CLEC4F: variants seen among roughly 807,000 people sequenced by gnomAD.
CLEC4F encodes the protein C-type lectin domain family 4 member F, also known as C-type (calcium dependent, carbohydrate-recognition domain) lectin, superfamily member 13.
A neutral mutation model predicts 53.4 loss-of-function variants in CLEC4F; 45 were observed. That is an observed-to-expected ratio of 0.84 (90% CI 0.66 to 1.08). CLEC4F has a LOEUF of 1.08. Ranked by LOEUF, CLEC4F falls within the 50% of genes least tolerant of loss-of-function variation. The probability of loss-of-function intolerance (pLI) is 0.00; values close to 1 mark genes in which losing one functional copy is unlikely to be tolerated. For missense variants in CLEC4F, 753 were observed against 698.2 expected (o/e 1.08, Z -0.88); for synonymous variants, 245 against 257.5 (o/e 0.95, Z 0.46).
At chr2:70,810,700 C>A in intron 5 of CLEC4F, 1 of 268,438 alleles carries the variant, frequency 3.7e-6, no homozygotes, top group Non-Finnish European at 7.5e-6. Flanking sequence ...AACAAAGAAG[C>A]TATAATATGG....
At chr2:70,811,472 C>T (rs1262970158) in intron 5 of CLEC4F, 4 of 544,504 alleles carry the variant, frequency 7.3e-6, no homozygotes, top group Admixed American at 2.2e-5. Context: ...CTGCCATGAC[C>T]ATAGTGCCAG....
At chr2:70,813,604 T>TTTCA (rs1574371111) in intron 4 of CLEC4F, among the ~76,000 whole-genome samples, 2 of 133,562 alleles carry the variant, frequency 1.5e-5, no homozygotes, top group South Asian at 4.7e-4. Context: ...TTTCTCTTTC[T>TTTCA]TTCTTTCTTT....
Position 70,809,274 on chromosome 2 carries a change from G to C in CLEC4F, c.1767C>G (p.Asn589Lys), listed in dbSNP as rs151073603. Residue 589 changes from asparagine to lysine, a missense_variant, in exon 7 of 7, where the codon AAC becomes AAG. Transcript: ENST00000272367. ...DTPPCPWILS[N>K] ...GGTGTCTGTGCTCAGGTTGCTCTTA[G>C]TTACTGAGGATCCAGGGACAGGGAG... 6.8e-6 allele frequency: 11 copies of C among 1,613,810 alleles called. No homozygotes were observed. In the African/African-American group the frequency reaches 1.2e-4, roughly 18 times the overall value.
chr2:70,824,634 A>AAC (rs1677304950), upstream of CLEC4F, among the ~76,000 whole-genome samples: 1 of 149,630 alleles, frequency 6.7e-6, no homozygotes, highest in Non-Finnish European at 1.5e-5. Flanking sequence ...AAAAAAAAAA[A>AAC]AAAAAAAAAA....
chr2:70,809,193 T>A lies in CLEC4F; in HGVS notation c.*78A>T. The stretch of plus-strand genomic sequence containing the variant: ...TAGGGAGCTGACTTGAGATGGGTCC[T>A]TCATCCCCTAGTGGCCCTAGGATGA... On this transcript the variant is annotated 3_prime_UTR_variant, in exon 7 of 7. Transcript: ENST00000272367. The A allele has an allele frequency of 6.4e-7, 1 of 1,571,098 alleles. No individual in the cohort carries two copies. The highest frequency in any genetic ancestry group is 1.3e-5 in the African/African-American group (1 of 74,370).
intron 3 of CLEC4F, among the ~76,000 whole-genome samples, chr2:70,818,720 AC>A (rs565430596): frequency 1.1e-3 from 160 of 151,996 alleles, no homozygotes; most frequent in African/African-American, 3.6e-3. Context: ...AAAAACAAAA[AC>A]AAAAACTAAA....
chr2:70,817,096 G>A lies in CLEC4F; in HGVS notation c.285C>T (p.Gly95=). 1 of 1,608,372 alleles carries A rather than the reference G, an allele frequency of 6.2e-7. No individual in the cohort carries two copies. Among genetic ancestry groups the A allele is most frequent in the Non-Finnish European group, 8.5e-7 (1 of 1,179,606 alleles). ...PFEPNNHHHF[G]REAEMRELIQ... is the part of the protein sequence containing the mutation. ...TAAGCTCTCGCATTTCTGCCTCCCT[G>A]CCAAAGTGGTGATGATCTGGAGGGA... Residue 95 remains glycine (G), a synonymous_variant, in exon 4 of 7, where the codon GGC becomes GGT. Transcript: ENST00000272367.
rs782010298 is a variant in CLEC4F, at chr2:70,816,681, C to T, written c.700G>A (p.Glu234Lys). The change falls in exon 4 of 7, where the codon GAA (glutamate) becomes AAA (lysine). Residue 234 changes from glutamate (E) to lysine (K), a missense_variant. Physicochemically the swap from Glu to Lys is moderately conservative, Grantham distance 56 (BLOSUM62 1). Coordinates refer to ENST00000272367, the MANE Select transcript of CLEC4F (RefSeq NM_173535.3). Reference sequence around the variant, plus strand: ...AACTGAGCCTGGGTATTTGCCGTTTCCAAACTGGCATTCAACATCTGAATT... The same window carrying T: ...AACTGAGCCTGGGTATTTGCCGTTTTCAAACTGGCATTCAACATCTGAATT... The part of the protein sequence containing the change: ...SEIQMLNASL[E>K]TANTQAQLAN... 1.2e-6 allele frequency: 2 copies of T among 1,614,176 alleles called. No homozygotes were observed. The highest frequency in any genetic ancestry group is 1.7e-6 in the Non-Finnish European group (2 of 1,180,028).
chr2:70,816,594 T>A lies in CLEC4F; in HGVS notation c.787A>T (p.Ser263Cys), dbSNP rs1162523244. 1 of 1,614,064 alleles carries A rather than the reference T, an allele frequency of 6.2e-7. No homozygotes were observed. Among genetic ancestry groups the A allele is most frequent in the Non-Finnish European group, 8.5e-7 (1 of 1,180,018 alleles). The change falls in exon 4 of 7, where the codon AGT (serine) becomes TGT (cysteine). Residue 263 changes from serine (S) to cysteine (C), a missense_variant. Ser to Cys is a moderately radical substitution (Grantham distance 112, BLOSUM62 -1). Transcript: ENST00000272367. ...TTCTGGGTCCTCAAGTCATTGACAC[T>A]ATCTAGATGGCCTCTCAAAACATAG... ...EIYVLRGHLDSVNDLRTQNQV... is the reference protein window; with the variant it reads ...EIYVLRGHLDCVNDLRTQNQV...
At chr2:70,811,415 C>T (rs1676554490) in intron 5 of CLEC4F, 3 of 657,388 alleles carry the variant, frequency 4.6e-6, no homozygotes, top group Non-Finnish European at 8.4e-6. Flanking sequence ...TATAGATATC[C>T]TGTGCCTTGG....
Position 70,809,155 on chromosome 2 carries a change from C to A in CLEC4F, c.*116G>T, listed in dbSNP as rs1349963798. On this transcript the variant is annotated 3_prime_UTR_variant, in exon 7 of 7. Coordinates refer to ENST00000272367, the MANE Select transcript of CLEC4F (RefSeq NM_173535.3). ...GGTGCTGTGGCTCCTAGGGAGCTGA[C>A]ATGGGATGAGTCTAGGGAGCTGACT... 1.4e-5 allele frequency: 21 copies of A among 1,553,566 alleles called. No homozygotes were observed. Among genetic ancestry groups the A allele is most frequent in the Non-Finnish European group, 1.7e-5 (19 of 1,148,006 alleles).
upstream of CLEC4F, among the ~76,000 whole-genome samples, chr2:70,820,973 G>A (rs1677198834): frequency 6.6e-6 from 1 of 152,172 alleles, no homozygotes; most frequent in Non-Finnish European, 1.5e-5. Flanking sequence ...CCAGGTCAGT[G>A]CGGCCGATAT....
rs368292459 is a variant in CLEC4F, at chr2:70,816,022, A to G, written c.1359T>C (p.Thr453=). 1.2e-6 allele frequency: 2 copies of G among 1,613,608 alleles called. No individual in the cohort carries two copies. Among genetic ancestry groups the G allele is most frequent in the African/African-American group, 2.7e-5 (2 of 74,900 alleles). The change falls in exon 4 of 7, where the codon ACT becomes ACC. Residue 453 remains threonine (T), a synonymous_variant. Transcript: ENST00000272367. ...SRLKTLHVVI[T]SQEQLQRTQS... ...GGGTTCTTTGTAGCTGTTCCTGTGA[A>G]GTAATGACCACATGGAGGGTCTTCA...
At chr2:70,819,927 T>C (rs782344132) in intron 1 of CLEC4F, 36 bp from the exon 2 acceptor site, 34 of 1,439,976 alleles carry the variant, frequency 2.4e-5, no homozygotes, top group Non-Finnish European at 1.2e-5. Context: ...GGTGAGAGGG[T>C]GCTGTGCAAG....
rs562360644 is a variant in CLEC4F at position 70,812,598 on chromosome 2, C to G, written c.1388G>C (p.Ser463Thr). 7 of 1,613,764 alleles carry G rather than the reference C, an allele frequency of 4.3e-6. No homozygotes were observed. The South Asian group carries it at 7.7e-5, about 18-fold the overall frequency. ...TSQEQLQRTQ[S>T]QLLQMVLQGW... ...TTGCAGGACCATCTGGAGAAGCTGA[C>G]CTGGAGCAAAGATTGGGGAGAAAAG... Residue 463 changes from serine to threonine, a missense_variant and splice_region_variant, in exon 5 of 7, where the codon AGT becomes ACT. Transcript: ENST00000272367.
chr2:70,811,843 C>T (rs541066081), intron 5 of CLEC4F, among the ~76,000 whole-genome samples: 9 of 152,154 alleles, frequency 5.9e-5, no homozygotes, highest in Admixed American at 2.6e-4. Flanking sequence ...AGGCCCACTT[C>T]GGTGAATAAC....
rs77206951 is a variant in CLEC4F, at chr2:70,818,722, A to G, written c.268+633T>C. ...CGAGACTCCGTCAAAAAACAAAAAC[A>G]AAAACTAAAACTAAAAACTGTACAA... is the stretch of plus-strand genomic sequence containing the variant. On this transcript the variant is annotated intron_variant, in intron 3 of 6. Coordinates refer to ENST00000272367, the MANE Select transcript of CLEC4F (RefSeq NM_173535.3). Among the ~76,000 whole-genome samples, 1,379 of 151,626 alleles carry G rather than the reference A, an allele frequency of 9.1e-3. 23 individuals are homozygous for G. The highest frequency in any genetic ancestry group is 0.032 in the African/African-American group (1,311 of 41,076).
At chr2:70,822,514 C>T (rs1677253293), upstream of CLEC4F, among the ~76,000 whole-genome samples, 2 of 152,122 alleles carry the variant, frequency 1.3e-5, no homozygotes, top group Admixed American at 6.5e-5. Context: ...GTGGACAGTG[C>T]CATGGAGCTG....
intron 1 of CLEC4F, among the ~76,000 whole-genome samples, chr2:70,820,179 C>T (rs924583570): frequency 8.5e-5 from 13 of 152,146 alleles, no homozygotes; most frequent in African/African-American, 3.1e-4. Flanking sequence ...GCACAGGGCA[C>T]AGAACCTGGC....
Sources: gnomAD v4.1 joint callset for allele counts (sites outside exome capture counted in the v4.1 genomes callset) on GRCh38, gnomAD v4.1.1 for gene constraint, MANE v1.5 for transcripts, NCBI Gene and HGNC (gene_info 2026-07-23, HGNC 2026-07-21) for gene names.